Variants in TENM3 observed in about 807,000 individuals in gnomAD.
TENM3 encodes the protein teneurin transmembrane protein 3, also known as teneurin-3.
Under a neutral mutation model 255.1 loss-of-function variants are expected in TENM3, and 63 were observed. The observed-to-expected ratio is 0.25, with a 90% confidence interval of 0.20 to 0.30. The LOEUF (loss-of-function observed/expected upper bound fraction) is 0.30, where lower values mean the gene tolerates loss of function less well. Among genes scored for constraint, TENM3 ranks in the 10% least tolerant of loss-of-function variants. The pLI is 1.00. For synonymous variants in TENM3, 1,306 were observed against 1,322.3 expected (o/e 0.99, Z 0.27); for missense variants, 2,929 against 3,461.1 (o/e 0.85, Z 3.86).
the TENM3 span, among the ~76,000 whole-genome samples, chr4:181,888,617 T>TGTGTGTGTGTGTGG: frequency 1.9e-5 from 2 of 103,104 alleles, no homozygotes; most frequent in Non-Finnish European, 4.1e-5. Flanking sequence ...TGTGTGTGTG[T>TGTGTGTGTGTGTGG]GGAAAGAGAG....
chr4:182,448,241 G>C (rs982063811), intron 3 of TENM3, among the ~76,000 whole-genome samples: 3 of 152,234 alleles, frequency 2.0e-5, no homozygotes, highest in Non-Finnish European at 4.4e-5. Flanking sequence ...CAGGGGCCGA[G>C]AAAGTGGCGG....
At chr4:182,702,572 A>G (rs1460756651) in intron 12 of TENM3, among the ~76,000 whole-genome samples, 1 of 152,210 alleles carries the variant, frequency 6.6e-6, no homozygotes. Context: ...GGCCCAATGC[A>G]AACTGTTCTA....
At chr4:182,025,263 C>T in the TENM3 span, among the ~76,000 whole-genome samples, 4,243 of 152,114 alleles carry the variant, frequency 0.028, 196 homozygotes, top group African/African-American at 0.096. Flanking sequence ...CTCCTGACCT[C>T]GTGATCCGCC....
intron 3 of TENM3, among the ~76,000 whole-genome samples, chr4:182,448,174 C>T (rs1451183707): frequency 6.6e-6 from 1 of 152,192 alleles, no homozygotes; most frequent in Non-Finnish European, 1.5e-5. Context: ...TAATGGGGGT[C>T]CGCGACTGCT....
chr4:182,025,050 A>G, the TENM3 span, among the ~76,000 whole-genome samples: 1 of 103,608 alleles, frequency 9.7e-6, no homozygotes, highest in Non-Finnish European at 1.8e-5. Context: ...TTTTTTTGAG[A>G]TGGAGTCTTG....
chr4:182,670,527 A>G (rs1423764863), intron 6 of TENM3, among the ~76,000 whole-genome samples: 1 of 152,206 alleles, frequency 6.6e-6, no homozygotes, highest in African/African-American at 2.4e-5. Flanking sequence ...ATGCTCTTGA[A>G]ACAGTGATTT....
At chr4:182,157,729 A>G (rs141754461) in intron 1 of TENM3, among the ~76,000 whole-genome samples, 2 of 152,306 alleles carry the variant, frequency 1.3e-5, no homozygotes, top group Admixed American at 6.5e-5. Flanking sequence ...GCTGGAGACT[A>G]TAGATCTCTG....
the TENM3 span, among the ~76,000 whole-genome samples, chr4:181,598,946 T>G: frequency 6.6e-6 from 1 of 152,224 alleles, no homozygotes; most frequent in Non-Finnish European, 1.5e-5. Context: ...AAATTTTCTG[T>G]CTTCTTTTAC....
intron 4 of TENM3, among the ~76,000 whole-genome samples, chr4:182,620,418 T>G (rs1750000869): frequency 6.6e-6 from 1 of 152,218 alleles, no homozygotes; most frequent in South Asian, 2.1e-4. Context: ...TTGTTGCCTT[T>G]GGAAAGAGGG....
the TENM3 span, among the ~76,000 whole-genome samples, chr4:181,592,660 CTCTT>C: frequency 9.9e-6 from 1 of 101,082 alleles, no homozygotes; most frequent in Admixed American, 1.2e-4. Context: ...CTGAAAATCT[CTCTT>C]TTTTTTTTTT....
At chr4:181,769,295 G>T in the TENM3 span, among the ~76,000 whole-genome samples, 2,321 of 152,276 alleles carry the variant, frequency 0.015, 68 homozygotes, top group African/African-American at 0.053. Flanking sequence ...AACACTCTGA[G>T]CTTCAGCTTC....
chr4:182,386,936 G>A (rs1305878089), intron 3 of TENM3, among the ~76,000 whole-genome samples: 1 of 152,250 alleles, frequency 6.6e-6, no homozygotes, highest in African/African-American at 2.4e-5. Context: ...AGGAGTGCGA[G>A]CACATGGCGC....
chr4:181,539,189 C>G, the TENM3 span, among the ~76,000 whole-genome samples: 2 of 152,054 alleles, frequency 1.3e-5, no homozygotes, highest in African/African-American at 2.4e-5. Context: ...AACCAACCAA[C>G]CAGGGAAAAC....
At chr4:182,722,937 A>G (rs1264197293) in intron 13 of TENM3, among the ~76,000 whole-genome samples, 1 of 152,236 alleles carries the variant, frequency 6.6e-6, no homozygotes, top group Non-Finnish European at 1.5e-5. Context: ...GGAGTCCAGG[A>G]TAACGTTCAG....
At chr4:182,131,080 A>G in the TENM3 span, among the ~76,000 whole-genome samples, 8 of 152,158 alleles carry the variant, frequency 5.3e-5, no homozygotes, top group Non-Finnish European at 1.2e-4. Flanking sequence ...AAGTGAATCT[A>G]AACTAATTAT....
In TENM3 at chr4:182,778,946, CTTTT is replaced by C. The variant is rs201688335; in HGVS notation, c.5304+3801_5304+3804del. Among the ~76,000 whole-genome samples, 19 of 115,966 alleles carry C rather than the reference CTTTT, an allele frequency of 1.6e-4. 1 individual carries two copies. The highest frequency in any genetic ancestry group is 7.2e-4 in the Admixed American group (9 of 12,450). The allele number at this position is 115,966 out of a possible 152,430, so 76.1% of individuals were successfully genotyped here. On this transcript the variant is annotated intron_variant, in intron 24 of 27. Coordinates refer to ENST00000511685, the MANE Select transcript of TENM3 (RefSeq NM_001080477.4). The stretch of plus-strand genomic sequence containing the variant: ...TGTGTGTATAAATATATATTTTTTT[CTTTT>C]TTTTTTTAATGTCTTGAAGAATTGT...
chr4:182,563,347 C>A (rs371862292), intron 3 of TENM3, among the ~76,000 whole-genome samples: 1 of 152,000 alleles, frequency 6.6e-6, no homozygotes, highest in South Asian at 2.1e-4. Flanking sequence ...GCAGGAGAAT[C>A]GCTAGAAACC....
the TENM3 span, among the ~76,000 whole-genome samples, chr4:181,918,721 T>C: frequency 2.0e-5 from 3 of 152,052 alleles, no homozygotes; most frequent in African/African-American, 7.2e-5. Context: ...AAAAGAAGTT[T>C]AATACTCTTC....
At chr4:182,526,616 C>G (rs1050245816) in intron 3 of TENM3, among the ~76,000 whole-genome samples, 13 of 152,144 alleles carry the variant, frequency 8.5e-5, no homozygotes, top group African/African-American at 3.1e-4. Flanking sequence ...AATGTAAACT[C>G]CATGAAGGTC....
Sources: allele counts gnomAD v4.1 joint callset (sites outside exome capture counted in the v4.1 genomes callset), GRCh38; gene constraint gnomAD v4.1.1; transcripts MANE v1.5; gene names NCBI Gene and HGNC (gene_info 2026-07-23, HGNC 2026-07-21).